The following SYNPO2L variants were observed in gnomAD, a reference collection of about 807,000 sequenced individuals.
SYNPO2L encodes the protein synaptopodin 2 like, also known as synaptopodin 2-like protein.
SYNPO2L carries 34 observed loss-of-function variants against 47.5 expected under a neutral mutation model. That is an observed-to-expected ratio of 0.72 (90% confidence interval 0.54 to 0.95). The LOEUF is 0.95. SYNPO2L is among the 40% of genes least tolerant of loss of function. The pLI, the probability that SYNPO2L is intolerant of heterozygous loss-of-function variation, is 0.00. For synonymous variants in SYNPO2L, 536 were observed against 524.9 expected (o/e 1.02, Z -0.29); for missense variants, 1,246 against 1,282.0 (o/e 0.97, Z 0.43).
At chr10:73,653,998 G>A (rs2081860337) in intron 2 of SYNPO2L, 131 bp downstream of exon 2, 1 of 1,212,758 alleles carries the variant, frequency 8.2e-7, no homozygotes, top group African/African-American at 1.5e-5. Flanking sequence ...CAAACCATCT[G>A]CACTCCAGCA....
chr10:73,653,413 G>T lies in SYNPO2L; in HGVS notation c.498C>A (p.Thr166=), dbSNP rs1175569986. The change falls in exon 3 of 4, where the codon ACC becomes ACA. Residue 166 remains threonine (T), a synonymous_variant. Transcript: ENST00000394810. ...RPRRRGPTRP[T]PPGAPPDEVY... is the part of the protein sequence containing the mutation. ...CCTCATCAGGTGGGGCACCCGGAGG[G>T]GTGGGCCTTGTGGGGCCTCGGCGGC... 1.3e-6 allele frequency: 2 copies of T among 1,551,434 alleles called. No individual in the cohort carries two copies. The highest frequency in any genetic ancestry group is 3.9e-5 in the Admixed American group (2 of 50,988).
chr10:73,653,776 T>C (rs1304087058), intron 2 of SYNPO2L, 123 bp from the exon 3 acceptor site: 1 of 1,320,652 alleles, frequency 7.6e-7, no homozygotes, highest in Non-Finnish European at 1.0e-6. Context: ...AAGGCTGTCA[T>C]ACAGTTGGAA....
Position 73,655,852 on chromosome 10 carries a change from C to T in SYNPO2L, c.71G>A (p.Gly24Glu). ...GAPWGFRLHGGAEQRKPLQVS... is the reference protein window; with the variant it reads ...GAPWGFRLHGEAEQRKPLQVS... ...CTGTAACGGTTTCCTCTGCTCGGCC[C>T]CCCCATGAAGTCGGAAGCCCCAGGG... Residue 24 changes from glycine to glutamate, a missense_variant, in exon 1 of 4, where the codon GGG becomes GAG. Around this residue, in one of 3 missense-constraint regions of SYNPO2L, gnomAD observed 61 missense variants for 55.6 expected, o/e 1.10. Coordinates refer to ENST00000394810, the MANE Select transcript of SYNPO2L (RefSeq NM_001114133.3). 2 of 1,551,294 alleles carry T rather than the reference C, an allele frequency of 1.3e-6. No individual in the cohort carries two copies. The highest frequency in any genetic ancestry group is 1.7e-6 in the Non-Finnish European group (2 of 1,146,926).
At position 73,654,250 on chromosome 10, in the gene SYNPO2L, C is replaced by A. The variant is rs770847300; in HGVS notation, c.136G>T (p.Gly46Ter). Residue 46 changes from glycine to a stop codon, truncating the protein, a stop_gained, in exon 2 of 4, where the codon GGA becomes TGA. Transcript: ENST00000394810. LOFTEE classifies it high-confidence loss of function. ...AAGAGCTGGTCCCTCTCTCGGAGTC[C>A]TGCTCTGCCAGCCTGGCTCCGTCTT... ...IRRRSQAGRA[G>*]LRERDQLLAI... 26 of 1,551,504 alleles carry A rather than the reference C, an allele frequency of 1.7e-5. No individual in the cohort carries two copies. In the South Asian group the frequency reaches 1.8e-4, roughly 11 times the overall value.
chr10:73,655,741 T>C, intron 1 of SYNPO2L, 77 bp downstream of exon 1: 1 of 65,932 alleles, frequency 1.5e-5, no homozygotes, highest in Non-Finnish European at 2.8e-5. Flanking sequence ...ACCCCCGCCA[T>C]ATGCCACCAC....
intron 3 of SYNPO2L, among the ~76,000 whole-genome samples, chr10:73,649,206 A>G (rs1411411367): frequency 6.6e-6 from 1 of 152,082 alleles, no homozygotes; most frequent in Non-Finnish European, 1.5e-5. Flanking sequence ...CCTGCCTCCC[A>G]TTCCTGACTG....
At chr10:73,650,949 G>C (rs1200379023) in intron 3 of SYNPO2L, 1 of 1,613,810 alleles carries the variant, frequency 6.2e-7, no homozygotes, top group Non-Finnish European at 8.5e-7. Flanking sequence ...TGGGTCTGGG[G>C]CTTTGTCATA....
intron 3 of SYNPO2L, chr10:73,650,944 C>T: frequency 1.2e-6 from 2 of 1,613,926 alleles, no homozygotes; most frequent in Non-Finnish European, 1.7e-6. Flanking sequence ...GGAACTGGGT[C>T]TGGGGCTTTG....
Position 73,646,784 on chromosome 10 carries a change from G to C in SYNPO2L, c.2868C>G (p.Pro956=). ...PSSCGFQVAR[P]RFSATRTGLQ... ...ATCCTGTTCTGGTGGCTGAAAATCG[G>C]GGCCTGGCTACCTGGAAACCGCAGG... Residue 956 remains proline, a synonymous_variant, in exon 4 of 4, where the codon CCC becomes CCG. Coordinates refer to ENST00000394810, the MANE Select transcript of SYNPO2L (RefSeq NM_001114133.3). The C allele has an allele frequency of 2.0e-6, 3 of 1,523,154 alleles. No individual in the cohort carries two copies. Among genetic ancestry groups the C allele is most frequent in the Non-Finnish European group, 2.6e-6 (3 of 1,137,904 alleles). The allele number at this position is 1,523,154 out of a possible 1,614,324, so 94.4% of individuals were successfully genotyped here.
Position 73,646,268 on chromosome 10 carries a change from G to A in SYNPO2L, c.*450C>T, listed in dbSNP as rs572931233. 2.8e-5 allele frequency: 28 copies of A among 992,986 alleles called. 2 individuals are homozygous for A. The South Asian group carries it at 1.2e-3, about 44-fold the overall frequency. 61.5% of individuals were successfully genotyped at this position (992,986 alleles called of 1,614,324 possible). ...TTGGGAAAGCAGAGTGGGGGGTGGGGGTGGCTTAGTGCAAACAGGGGTCAG... is the reference window on the plus strand; with the variant it reads ...TTGGGAAAGCAGAGTGGGGGGTGGGAGTGGCTTAGTGCAAACAGGGGTCAG... On this transcript the variant is annotated 3_prime_UTR_variant, in exon 4 of 4. Coordinates refer to ENST00000394810, the MANE Select transcript of SYNPO2L (RefSeq NM_001114133.3).
chr10:73,653,439 G>A lies in SYNPO2L; in HGVS notation c.472C>T (p.Arg158Cys), dbSNP rs760943150. The A allele has an allele frequency of 2.1e-5, 32 of 1,551,358 alleles. No homozygotes were observed. The South Asian group carries it at 2.4e-4, about 12-fold the overall frequency. The change falls in exon 3 of 4, where the codon CGC (arginine) becomes TGC (cysteine). Residue 158 changes from arginine to cysteine, a missense_variant. Transcript: ENST00000394810. ...GTGGGCCTTGTGGGGCCTCGGCGGC[G>A]AGGTCGACGGGGCTTCTCCTGGGTG... is the stretch of plus-strand genomic sequence containing the variant. Reference protein sequence around the residue: ...PATQEKPRRPRRRGPTRPTPP... With the variant: ...PATQEKPRRPCRRGPTRPTPP...
chr10:73,647,148 C>T lies in SYNPO2L; in HGVS notation c.2504G>A (p.Gly835Glu), dbSNP rs1564989776. ...ARTLPKAQSQGPRATPKQGIK... is the reference protein window; with the variant it reads ...ARTLPKAQSQEPRATPKQGIK... ...GCCCTGCTTGGGTGTTGCCCGAGGC[C>T]CCTGGGATTGGGCCTTAGGGAGAGT... is the stretch of plus-strand genomic sequence containing the variant. The change falls in exon 4 of 4, where the codon GGG becomes GAG. Residue 835 changes from glycine (G) to glutamate (E), a missense_variant. Transcript: ENST00000394810. The T allele has an allele frequency of 2.5e-6, 4 of 1,613,742 alleles. No individual in the cohort carries two copies. The Admixed American group carries it at 6.7e-5, about 27-fold the overall frequency.
chr10:73,655,866 G>A lies in SYNPO2L; in HGVS notation c.57C>T (p.Phe19=). The A allele has an allele frequency of 6.4e-7, 1 of 1,551,188 alleles. No homozygotes were observed. The highest frequency in any genetic ancestry group is 8.7e-7 in the Non-Finnish European group (1 of 1,146,904). The part of the protein sequence containing the change: ...VTLSGGAPWG[F]RLHGGAEQRK... Reference sequence around the variant, plus strand: ...TCTGCTCGGCCCCCCCATGAAGTCGGAAGCCCCAGGGGGCTCCCCCTGATA... The same window carrying A: ...TCTGCTCGGCCCCCCCATGAAGTCGAAAGCCCCAGGGGGCTCCCCCTGATA... Residue 19 remains phenylalanine, a synonymous_variant, in exon 1 of 4, where the codon TTC becomes TTT. Transcript: ENST00000394810.
intron 3 of SYNPO2L, chr10:73,649,717 A>G (rs940042690): frequency 1.6e-5 from 16 of 985,260 alleles, no homozygotes; most frequent in Non-Finnish European, 1.8e-5. Context: ...CCCTGCAGAG[A>G]CCCTGTTACT....
Position 73,647,189 on chromosome 10 carries a change from G to T in SYNPO2L, c.2463C>A (p.Phe821Leu). ...IAYNPLLSPF[F>L]PQAARTLPKA... ...TAGGGAGAGTTCGGGCCGCCTGGGGGAAAAAGGGAGAGAGCAGTGGGTTGT... is the reference window on the plus strand; with the variant it reads ...TAGGGAGAGTTCGGGCCGCCTGGGGTAAAAAGGGAGAGAGCAGTGGGTTGT... Residue 821 changes from phenylalanine to leucine, a missense_variant, in exon 4 of 4, where the codon TTC (phenylalanine) becomes TTA (leucine). By Grantham distance (22) the Phe-to-Leu change is conservative. This residue lies in a region of SYNPO2L where 1,037 missense variants were observed against 1,021.5 expected (regional missense o/e 1.02). Coordinates refer to ENST00000394810, the MANE Select transcript of SYNPO2L (RefSeq NM_001114133.3). 1.1e-5 allele frequency: 18 copies of T among 1,613,788 alleles called. No homozygotes were observed. Among genetic ancestry groups the T allele is most frequent in the Non-Finnish European group, 1.4e-5 (17 of 1,179,846 alleles).
Position 73,645,068 on chromosome 10 carries a change from GT to G in SYNPO2L, c.*1649del. ...AAGCTGAAAAGAAGCAATAGCTGGG[GT>G]TTTGAGGGATGGGGTGGGACTGAAA... On this transcript the variant is annotated 3_prime_UTR_variant, in exon 4 of 4. Coordinates refer to ENST00000394810, the MANE Select transcript of SYNPO2L (RefSeq NM_001114133.3). 7.9e-7 allele frequency: 1 copy of G among 1,261,624 alleles called. No homozygotes were observed. 78.2% of individuals were successfully genotyped at this position (1,261,624 alleles called of 1,614,324 possible).
chr10:73,655,378 G>A (rs2081870639), intron 1 of SYNPO2L, among the ~76,000 whole-genome samples: 1 of 151,942 alleles, frequency 6.6e-6, no homozygotes, highest in Admixed American at 6.6e-5. Flanking sequence ...GCAGGGCAGG[G>A]TGAGGCAGGG....
intron 3 of SYNPO2L, among the ~76,000 whole-genome samples, chr10:73,650,417 C>T (rs2081831973): frequency 6.6e-6 from 1 of 152,128 alleles, no homozygotes; most frequent in Non-Finnish European, 1.5e-5. Flanking sequence ...GGGATAGTTA[C>T]CTCACCTCAT....
intron 2 of SYNPO2L, chr10:73,653,901 G>T (rs1396632336): frequency 9.6e-6 from 7 of 732,468 alleles, no homozygotes; most frequent in East Asian, 2.7e-5. Context: ...AACAGGCCAG[G>T]GGTTGAAGTA....
Sources: gnomAD v4.1 joint callset for allele counts (sites outside exome capture counted in the v4.1 genomes callset) on GRCh38, gnomAD v4.1.1 for gene constraint, gnomAD v4.1.1 regional missense constraint, MANE v1.5 for transcripts, NCBI Gene and HGNC (gene_info 2026-07-23, HGNC 2026-07-21) for gene names.